HSP90AA1: variants seen among roughly 807,000 people sequenced by gnomAD.
The protein encoded by HSP90AA1 is heat shock protein HSP 90-alpha.
HSP90AA1 carries 18 observed loss-of-function variants against 73.3 expected under a neutral mutation model. The observed-to-expected ratio is 0.25, with a 90% CI of 0.17 to 0.36. The LOEUF is 0.36. Ranked by LOEUF, HSP90AA1 falls within the 10% of genes least tolerant of loss-of-function variation. The pLI is 1.00. For synonymous variants in HSP90AA1, 477 were observed against 296.9 expected (o/e 1.61, Z -6.24); for missense variants, 704 against 874.2 (o/e 0.81, Z 2.45).
intron 1 of HSP90AA1, among the ~76,000 whole-genome samples, chr14:102,132,531 T>C (rs2049920920): frequency 6.6e-6 from 1 of 151,734 alleles, no homozygotes. Flanking sequence ...CCAGGCAACA[T>C]AGTGAGACCC....
At chr14:102,086,167 G>C in intron 2 of HSP90AA1, 43 bp from the exon 3 acceptor site, 4 of 1,603,714 alleles carry the variant, frequency 2.5e-6, no homozygotes, top group Non-Finnish European at 3.4e-6. Flanking sequence ...GCACCCCCAA[G>C]AAGTTCACAC....
rs568416672 is a variant in HSP90AA1, at chr14:102,098,146, GT to G, written c.366+3728del. 7.2e-5 allele frequency among the ~76,000 whole-genome samples: 11 copies of G among 151,878 alleles called. No homozygotes were observed. The East Asian group carries it at 1.9e-3, about 27-fold the overall frequency. ...CAAGTCTCTTCTCTTTAAGCCTCGG[GT>G]TTGTTTTTCTTTTTCTTTTTTTTTG... On this transcript the variant is annotated intron_variant, in intron 2 of 11. Coordinates refer to the HSP90AA1 transcript ENST00000334701.
intron 2 of HSP90AA1, among the ~76,000 whole-genome samples, chr14:102,093,699 G>A (rs1432308163): frequency 1.3e-5 from 2 of 152,122 alleles, no homozygotes; most frequent in Non-Finnish European, 2.9e-5. Context: ...AGGGCCAGGC[G>A]AGGTAGCTGA....
At chr14:102,133,292 A>G (rs2049931523) in intron 1 of HSP90AA1, among the ~76,000 whole-genome samples, 1 of 152,072 alleles carries the variant, frequency 6.6e-6, no homozygotes, top group African/African-American at 2.4e-5. Context: ...AAACAAAACA[A>G]AACAATAGAA....
upstream of HSP90AA1, among the ~76,000 whole-genome samples, chr14:102,090,476 G>A (rs1249754307): frequency 6.9e-6 from 1 of 145,186 alleles, no homozygotes; most frequent in Admixed American, 7.0e-5. Context: ...TTGAGACGGA[G>A]TCTTGCTCTG....
intron 1 of HSP90AA1, among the ~76,000 whole-genome samples, chr14:102,138,422 G>A (rs2050089122): frequency 6.6e-6 from 1 of 152,160 alleles, no homozygotes; most frequent in Admixed American, 6.5e-5. Flanking sequence ...ATTAGGGAAA[G>A]TCGGATAACA....
At position 102,081,996 on chromosome 14, in the gene HSP90AA1, C is replaced by T. The variant is rs1003976120; in HGVS notation, c.2089+115G>A. On this transcript the variant is annotated intron_variant, in intron 10 of 10. Coordinates refer to ENST00000216281, the MANE Select transcript of HSP90AA1 (RefSeq NM_005348.4). ...CCCTAAAAAAAACATACTTTAATAC[C>T]TCCAAGCAGCAAGCAGGACAAGGTG... 7 of 827,556 alleles carry T rather than the reference C, an allele frequency of 8.5e-6. No individual in the cohort carries two copies. The East Asian group carries it at 1.8e-4, about 22-fold the overall frequency. 51.3% of individuals were successfully genotyped at this position (827,556 alleles called of 1,614,324 possible). A position where few individuals can be genotyped will look rare whatever the true frequency, so the allele number is the denominator to read the frequency against.
intron 2 of HSP90AA1, among the ~76,000 whole-genome samples, chr14:102,093,379 T>C (rs1345641786): frequency 2.0e-5 from 3 of 149,842 alleles, no homozygotes; most frequent in African/African-American, 7.4e-5. Context: ...CGTGGTGGCA[T>C]ATGCCTGTAA....
upstream of HSP90AA1, chr14:102,087,085 C>G (rs1418725985): frequency 1.0e-6 from 1 of 984,840 alleles, no homozygotes; most frequent in Non-Finnish European, 1.2e-6. Flanking sequence ...GCGACGGGCC[C>G]GCCCAGCGCG....
intron 7 of HSP90AA1, 22 bp downstream of exon 7, chr14:102,083,771 A>G: frequency 6.2e-7 from 1 of 1,604,664 alleles, no homozygotes; most frequent in Middle Eastern, 1.7e-4. Context: ...CAATTGGAAA[A>G]CTAATGGTTA....
At chr14:102,088,509 C>T (rs1429875720), upstream of HSP90AA1, among the ~76,000 whole-genome samples, 2 of 152,240 alleles carry the variant, frequency 1.3e-5, no homozygotes, top group African/African-American at 2.4e-5. Context: ...CAACATAAAG[C>T]GTCTTGCCTG....
chr14:102,104,803 T>C (rs1416483132), intron 1 of HSP90AA1, among the ~76,000 whole-genome samples: 1 of 151,878 alleles, frequency 6.6e-6, no homozygotes, highest in Non-Finnish European at 1.5e-5. Flanking sequence ...CTTTTTTAGC[T>C]CTCACATATG....
upstream of HSP90AA1, among the ~76,000 whole-genome samples, chr14:102,090,138 G>A (rs1023438533): frequency 2.0e-5 from 3 of 152,148 alleles, no homozygotes; most frequent in African/African-American, 7.2e-5. Flanking sequence ...TGTGTCTGGC[G>A]CACTCCCCAT....
chr14:102,138,519 T>C (rs576664938), intron 1 of HSP90AA1, among the ~76,000 whole-genome samples: 1,834 of 145,566 alleles, frequency 0.013, 16 homozygotes, highest in Middle Eastern at 0.042. Flanking sequence ...CTTTTTTTTT[T>C]CCAACACTAC....
chr14:102,085,761 T>C lies in HSP90AA1; in HGVS notation c.526A>G (p.Thr176Ala), dbSNP rs1427415083. 1 of 1,614,010 alleles carries C rather than the reference T, an allele frequency of 6.2e-7. No individual in the cohort carries two copies. The highest frequency in any genetic ancestry group is 1.3e-5 in the African/African-American group (1 of 75,056). ...CAGTGAATGTTCAGGTGCCTACCTGTGTCTGTCCTCACTGTGAATGATCCC... is the reference window on the plus strand; with the variant it reads ...CAGTGAATGTTCAGGTGCCTACCTGCGTCTGTCCTCACTGTGAATGATCCC... ...AGGSFTVRTD[T>A]GEPMGRGTKV... Residue 176 changes from threonine (T) to alanine (A), a missense_variant, in exon 3 of 11, where the codon ACA (threonine) becomes GCA (alanine). Physicochemically the swap from Thr to Ala is moderately conservative, Grantham distance 58. Transcript: ENST00000216281.
In HSP90AA1 at chr14:102,084,920, C is replaced by G; in HGVS notation, c.742G>C (p.Glu248Gln). 1 of 1,579,020 alleles carries G rather than the reference C, an allele frequency of 6.3e-7. No homozygotes were observed. ...GGTTTGTCTTCCGACTCTTTCTCTT[C>G]TTTTTCTTTTTCTTCTTCTTTGTCT... The part of the protein sequence containing the change: ...KEDKEEEKEK[E>Q]EKESEDKPEI... The change falls in exon 5 of 11, where the codon GAA becomes CAA. Residue 248 changes from glutamate (E) to glutamine (Q), a missense_variant. Glu to Gln is a conservative substitution (Grantham distance 29). Coordinates refer to ENST00000216281, the MANE Select transcript of HSP90AA1 (RefSeq NM_005348.4).
chr14:102,086,363 G>C lies in HSP90AA1; in HGVS notation c.16C>G (p.Gln6Glu), dbSNP rs554252961. MPEET[Q>E]TQDQPMEEEE... Reference sequence around the variant, plus strand: ...TCCTCCATCGGTTGGTCTTGGGTCTGGGTTTCCTCAGGCATCTGGAACGAC... The same window carrying C: ...TCCTCCATCGGTTGGTCTTGGGTCTCGGTTTCCTCAGGCATCTGGAACGAC... Residue 6 changes from glutamine (Q) to glutamate (E), a missense_variant, in exon 2 of 11, where the codon CAG becomes GAG. Coordinates refer to ENST00000216281, the MANE Select transcript of HSP90AA1 (RefSeq NM_005348.4). 2.5e-6 allele frequency: 4 copies of C among 1,614,198 alleles called. No homozygotes were observed. Among genetic ancestry groups the C allele is most frequent in the East Asian group, 2.2e-5 (1 of 44,886 alleles).
intron 1 of HSP90AA1, among the ~76,000 whole-genome samples, chr14:102,136,010 C>A (rs1168059095): frequency 1.3e-5 from 2 of 152,188 alleles, no homozygotes; most frequent in African/African-American, 4.8e-5. Flanking sequence ...AAGTGGGAGC[C>A]CAGGCAGGGG....
chr14:102,139,350 C>T, exon 1 of HSP90AA1: 1 of 1,611,624 alleles, frequency 6.2e-7, no homozygotes. Flanking sequence ...CAGTCCCTGT[C>T]CCGAAGGGAG....
Sources: gnomAD v4.1 joint callset for allele counts (sites outside exome capture counted in the v4.1 genomes callset) on GRCh38, gnomAD v4.1.1 for gene constraint, MANE v1.5 for transcripts, NCBI Gene and HGNC (gene_info 2026-07-23, HGNC 2026-07-21) for gene names.